The following ZPLD1 variants were observed in gnomAD, a reference collection of about 807,000 sequenced individuals.
ZPLD1 encodes zona pellucida like domain containing 1, also known as zona pellucida-like domain-containing protein 1.
ZPLD1 carries 34 observed loss-of-function variants against 47.2 expected under a neutral mutation model. The ratio of observed to expected loss-of-function variants is 0.72; its 90% CI spans 0.55 to 0.96. ZPLD1 has a LOEUF of 0.96. Ranked by LOEUF, ZPLD1 falls within the 40% of genes least tolerant of loss-of-function variation. The probability of loss-of-function intolerance (pLI) is 0.00; values close to 1 mark genes in which losing one functional copy is unlikely to be tolerated. For synonymous variants in ZPLD1, 176 were observed against 186.2 expected (o/e 0.95, Z 0.45); for missense variants, 512 against 505.8 (o/e 1.01, Z -0.12).
At chr3:102,415,685 G>A (rs1706797260) in intron 7 of ZPLD1, among the ~76,000 whole-genome samples, 1 of 151,828 alleles carries the variant, frequency 6.6e-6, no homozygotes, top group Non-Finnish European at 1.5e-5. Flanking sequence ...TCTCCCATAA[G>A]CAAGATCCTA....
At position 102,436,949 on chromosome 3, in the gene ZPLD1, GTGGAGCA is replaced by G. The variant is rs796721531; in HGVS notation, c.-21_-15del. On this transcript the variant is annotated 5_prime_UTR_variant, in exon 2 of 12. An upstream start codon of the reference 5' UTR is lost. Transcript: ENST00000466937. ...TGGGACCCATCATGAGAAGGAAGTG[GTGGAGCA>G]TGGAGCATGGAATAAATGTGGGTGC... The G allele has an allele frequency of 9.1e-6, 9 of 985,400 alleles. No homozygotes were observed. In the East Asian group the frequency reaches 1.0e-3, roughly 112 times the overall value. 61.0% of individuals were successfully genotyped at this position (985,400 alleles called of 1,614,324 possible).
chr3:102,423,680 C>G (rs528699480), intron 8 of ZPLD1, among the ~76,000 whole-genome samples: 8 of 151,982 alleles, frequency 5.3e-5, no homozygotes, highest in Non-Finnish European at 1.2e-4. Flanking sequence ...CAAGAGGGAC[C>G]TCGACTATGA....
At chr3:102,388,429 G>GTCTCTCTCTCTCTCTCTCTCTCTCTCTC (rs71781267) in intron 6 of ZPLD1, among the ~76,000 whole-genome samples, 6 of 135,934 alleles carry the variant, frequency 4.4e-5, no homozygotes, top group African/African-American at 1.6e-4. Context: ...CTCTCCTGGA[G>GTCTCTCTCTCTCTCTCTCTCTCTCTCTC]TCTCTCTCTC....
intron 10 of ZPLD1, among the ~76,000 whole-genome samples, chr3:102,475,026 A>T (rs1376880535): frequency 1.3e-5 from 2 of 151,754 alleles, no homozygotes; most frequent in African/African-American, 4.8e-5. Context: ...CAAAAATTGG[A>T]GGCTACCAGA....
chr3:102,430,931 G>A (rs1707008897), upstream of ZPLD1, among the ~76,000 whole-genome samples: 1 of 152,134 alleles, frequency 6.6e-6, no homozygotes, highest in Non-Finnish European at 1.5e-5. Flanking sequence ...CTTCATGAAA[G>A]GAGGAAGGAA....
intron 7 of ZPLD1, among the ~76,000 whole-genome samples, chr3:102,398,820 C>T (rs1706586207): frequency 6.6e-6 from 1 of 152,154 alleles, no homozygotes; most frequent in Non-Finnish European, 1.5e-5. Context: ...GGCTCATGCT[C>T]TTCCCACATG....
At chr3:102,441,899 A>G (rs1288398102) in intron 3 of ZPLD1, among the ~76,000 whole-genome samples, 3 of 152,162 alleles carry the variant, frequency 2.0e-5, no homozygotes, top group Non-Finnish European at 2.9e-5. Flanking sequence ...AACTTCTCAT[A>G]TCTTTATGAC....
chr3:102,396,369 T>C (rs898791124), intron 7 of ZPLD1, among the ~76,000 whole-genome samples: 1 of 152,084 alleles, frequency 6.6e-6, no homozygotes, highest in African/African-American at 2.4e-5. Context: ...TCAGTGAAAA[T>C]TAAATTGCAT....
At position 102,477,434 on chromosome 3, in the gene ZPLD1, T is replaced by A; in HGVS notation, c.1073-9T>A. The stretch of plus-strand genomic sequence containing the variant: ...GCCTTTACAACCGGGTGTGTTTTAT[T>A]ATTTGCAGGTTCTCCAAGTATGCCT... On this transcript the variant is annotated splice_polypyrimidine_tract_variant and intron_variant, in intron 11 of 11. Coordinates refer to ENST00000466937, the MANE Select transcript of ZPLD1 (RefSeq NM_001329788.2). 1 of 1,608,510 alleles carries A rather than the reference T, an allele frequency of 6.2e-7. No individual in the cohort carries two copies.
At chr3:102,443,844 G>C (rs1170888485) in intron 3 of ZPLD1, among the ~76,000 whole-genome samples, 3 of 152,330 alleles carry the variant, frequency 2.0e-5, no homozygotes, top group Non-Finnish European at 4.4e-5. Context: ...CTGGTTCTCT[G>C]TATAGAAAGG....
intron 4 of ZPLD1, among the ~76,000 whole-genome samples, chr3:102,455,687 C>T (rs1037556988): frequency 9.9e-5 from 15 of 152,180 alleles, no homozygotes; most frequent in African/African-American, 3.1e-4. Context: ...GCTGCTCTTC[C>T]TCTGCCTACT....
intron 6 of ZPLD1, among the ~76,000 whole-genome samples, chr3:102,458,853 G>T (rs62272491): frequency 0.13 from 20,219 of 152,052 alleles, 1,394 homozygotes; most frequent in Middle Eastern, 0.18. Context: ...ACTTTGGGAG[G>T]CCGAGGCGGG....
chr3:102,461,328 GT>G (rs1348101057), intron 6 of ZPLD1, among the ~76,000 whole-genome samples: 1 of 151,776 alleles, frequency 6.6e-6, no homozygotes, highest in Admixed American at 6.6e-5. Context: ...TTTTTGGTTT[GT>G]TTTTTGCACT....
Position 102,464,220 on chromosome 3 carries a change from A to G in ZPLD1, c.730A>G (p.Asn244Asp), listed in dbSNP as rs1707555871. The G allele has an allele frequency of 6.2e-7, 1 of 1,613,206 alleles. No individual in the cohort carries two copies. The highest frequency in any genetic ancestry group is 8.5e-7 in the Non-Finnish European group (1 of 1,179,266). Reference protein sequence around the residue: ...YCYTTPSGNPNDDIRYDLFLS... With the variant: ...YCYTTPSGNPDDDIRYDLFLS... ...CTATACTACCCCATCAGGAAACCCA[A>G]ATGATGACATTCGATATGATCTTTT... Residue 244 changes from asparagine to aspartate, a missense_variant, in exon 8 of 12, where the codon AAT (asparagine) becomes GAT (aspartate). By Grantham distance (23) the Asn-to-Asp change is conservative (BLOSUM62 1). Transcript: ENST00000466937.
intron 7 of ZPLD1, among the ~76,000 whole-genome samples, chr3:102,404,480 A>G (rs539853401): frequency 2.0e-5 from 3 of 152,130 alleles, no homozygotes; most frequent in African/African-American, 7.2e-5. Flanking sequence ...CCCAGAGGAC[A>G]CAACCAGTGC....
intron 6 of ZPLD1, among the ~76,000 whole-genome samples, chr3:102,458,246 C>A (rs962243446): frequency 4.6e-5 from 7 of 151,770 alleles, no homozygotes; most frequent in Non-Finnish European, 1.5e-5. Context: ...ATGGTGTTTC[C>A]CTTGGAGGCA....
At chr3:102,416,458 T>C (rs1706805721) in intron 7 of ZPLD1, among the ~76,000 whole-genome samples, 3 of 151,898 alleles carry the variant, frequency 2.0e-5, no homozygotes, top group African/African-American at 7.2e-5. Context: ...GAAGACATGA[T>C]GGATATGCGT....
intron 7 of ZPLD1, among the ~76,000 whole-genome samples, chr3:102,414,119 C>T (rs1026913398): frequency 5.3e-5 from 8 of 151,706 alleles, no homozygotes; most frequent in African/African-American, 1.9e-4. Flanking sequence ...TTTATATCAC[C>T]TTCCAGCCTT....
At chr3:102,407,796 G>T (rs1405385788) in intron 7 of ZPLD1, among the ~76,000 whole-genome samples, 1 of 151,440 alleles carries the variant, frequency 6.6e-6, no homozygotes, top group South Asian at 2.1e-4. Context: ...CCAACATAAG[G>T]GTTCTGGAAC....
Sources: gnomAD v4.1 joint callset for allele counts (sites outside exome capture counted in the v4.1 genomes callset) on GRCh38, gnomAD v4.1.1 for gene constraint, MANE v1.5 for transcripts, NCBI Gene and HGNC (gene_info 2026-07-23, HGNC 2026-07-21) for gene names.